KLF8: variants seen among roughly 807,000 people sequenced by gnomAD.
The protein encoded by KLF8 is Krueppel-like factor 8.
A neutral mutation model predicts 18.2 loss-of-function variants in KLF8; 10 were observed. The ratio of observed to expected loss-of-function variants is 0.55; its 90% CI spans 0.34 to 0.93. The LOEUF (loss-of-function observed/expected upper bound fraction) is 0.93. Ranked by LOEUF, KLF8 falls within the 40% of genes least tolerant of loss-of-function variation. The pLI, the probability that KLF8 is intolerant of heterozygous loss-of-function variation, is 0.02. For missense variants in KLF8, 264 were observed against 277.9 expected (o/e 0.95, Z 0.36); for synonymous variants, 109 against 97.3 (o/e 1.12, Z -0.71).
At chrX:56,153,299 G>A in the KLF8 span, among the ~76,000 whole-genome samples, 1 of 109,789 alleles carries the variant, frequency 9.1e-6, no homozygotes, top group African/African-American at 3.3e-5. Flanking sequence ...AGTTTGAAAT[G>A]AGCTATGATT....
the KLF8 span, among the ~76,000 whole-genome samples, chrX:55,970,812 T>A: frequency 9.0e-6 from 1 of 111,348 alleles, no homozygotes; most frequent in African/African-American, 3.3e-5. Flanking sequence ...CCATTTACCA[T>A]AGCTAAAAAT....
At chrX:56,014,438 C>T in the KLF8 span, among the ~76,000 whole-genome samples, 1 of 112,224 alleles carries the variant, frequency 8.9e-6, no homozygotes, top group South Asian at 3.7e-4. Context: ...TACCAACTCA[C>T]ACCAGTCAGA....
the KLF8 span, among the ~76,000 whole-genome samples, chrX:56,130,368 A>G: frequency 1.8e-5 from 2 of 111,871 alleles, no homozygotes; most frequent in Non-Finnish European, 3.8e-5. Flanking sequence ...AGAACCTGGT[A>G]GCCCTGCTGA....
At chrX:56,165,811 T>C in the KLF8 span, among the ~76,000 whole-genome samples, 1 of 108,368 alleles carries the variant, frequency 9.2e-6, no homozygotes, top group Non-Finnish European at 1.9e-5. Flanking sequence ...TAGTGAGCTA[T>C]GATTGCACCA....
chrX:56,173,084 G>A, the KLF8 span, among the ~76,000 whole-genome samples: 4 of 111,580 alleles, frequency 3.6e-5, no homozygotes, highest in East Asian at 1.1e-3. Flanking sequence ...TTTTTGCTGT[G>A]TAGAAGCTCT....
the KLF8 span, among the ~76,000 whole-genome samples, chrX:56,147,068 G>C: frequency 9.0e-6 from 1 of 111,341 alleles, no homozygotes; most frequent in Non-Finnish European, 1.9e-5. Context: ...GAAAGAAGAA[G>C]GTATTGTGAA....
chrX:55,976,529 A>C, the KLF8 span, among the ~76,000 whole-genome samples: 7 of 109,437 alleles, frequency 6.4e-5, no homozygotes, highest in African/African-American at 2.3e-4. Flanking sequence ...CGTTGTCACA[A>C]ATAACTTTAT....
At chrX:56,159,839 C>T in the KLF8 span, among the ~76,000 whole-genome samples, 358 of 111,431 alleles carry the variant, frequency 3.2e-3, 4 homozygotes, top group African/African-American at 0.011. Context: ...AAAAAACAAT[C>T]TCCTGGATTC....
chrX:56,187,182 A>G, the KLF8 span, among the ~76,000 whole-genome samples: 1 of 111,880 alleles, frequency 8.9e-6, no homozygotes, highest in Non-Finnish European at 1.9e-5. Flanking sequence ...AAAAAATGAT[A>G]AAGGGGATAT....
chrX:55,977,681 T>C, the KLF8 span, among the ~76,000 whole-genome samples: 1 of 111,823 alleles, frequency 8.9e-6, no homozygotes, highest in African/African-American at 3.2e-5. Flanking sequence ...CTGGCTAAAG[T>C]TGACTTAAAT....
chrX:56,240,307 A>T (rs1300098384), intron 1 of KLF8, among the ~76,000 whole-genome samples: 1 of 111,981 alleles, frequency 8.9e-6, no homozygotes, highest in Non-Finnish European at 1.9e-5. Flanking sequence ...AGTGAGTAGA[A>T]AAGTTATTCA....
chrX:56,183,212 T>C, the KLF8 span, among the ~76,000 whole-genome samples: 1 of 111,855 alleles, frequency 8.9e-6, no homozygotes, highest in Non-Finnish European at 1.9e-5. Context: ...TGCAGTTCGA[T>C]CTTGGACTGC....
chrX:55,908,219 G>A, the KLF8 span: 1 of 229,380 alleles, frequency 4.4e-6, no homozygotes, highest in Non-Finnish European at 7.9e-6. Context: ...CAGTATTCAA[G>A]CTCCAGGACA....
At chrX:56,158,016 G>A in the KLF8 span, among the ~76,000 whole-genome samples, 1 of 112,033 alleles carries the variant, frequency 8.9e-6, no homozygotes, top group African/African-American at 3.2e-5. Flanking sequence ...GGTTTTTACG[G>A]TTTTGGGTCT....
intron 1 of KLF8, among the ~76,000 whole-genome samples, chrX:56,241,756 A>G (rs933227001): frequency 8.9e-6 from 1 of 112,123 alleles, no homozygotes; most frequent in African/African-American, 3.2e-5. Context: ...TGATTTTCCC[A>G]TTGTTTCACA....
At chrX:56,194,887 T>A in the KLF8 span, among the ~76,000 whole-genome samples, 2 of 112,219 alleles carry the variant, frequency 1.8e-5, no homozygotes, top group African/African-American at 6.5e-5. Flanking sequence ...ATATTTGCTG[T>A]TCTGCAATAT....
the KLF8 span, among the ~76,000 whole-genome samples, chrX:55,938,759 AG>A: frequency 1.8e-5 from 2 of 111,517 alleles, no homozygotes; most frequent in Non-Finnish European, 3.8e-5. Flanking sequence ...AAACCAACAA[AG>A]ATCAAAAGAG....
intron 1 of KLF8, among the ~76,000 whole-genome samples, chrX:56,238,200 C>T (rs182650765): frequency 2.9e-3 from 327 of 111,596 alleles, no homozygotes; most frequent in African/African-American, 0.01. Context: ...AATTCTAGGC[C>T]GGGCGCAGTG....
At chrX:56,143,409 G>A in the KLF8 span, among the ~76,000 whole-genome samples, 2 of 111,957 alleles carry the variant, frequency 1.8e-5, no homozygotes, top group South Asian at 3.7e-4. Context: ...ATTTGTTTAT[G>A]TGTTTATATC....
Sources: gnomAD v4.1 joint callset for allele counts (sites outside exome capture counted in the v4.1 genomes callset) on GRCh38, gnomAD v4.1.1 for gene constraint, MANE v1.5 for transcripts, NCBI Gene and HGNC (gene_info 2026-07-23, HGNC 2026-07-21) for gene names.